UBR1: variants seen among roughly 807,000 people sequenced by gnomAD.
UBR1 encodes the protein ubiquitin protein ligase E3 component n-recognin 1, also known as E3 ubiquitin-protein ligase UBR1.
Under a neutral mutation model 242.1 loss-of-function variants are expected in UBR1, and 102 were observed. The ratio of observed to expected loss-of-function variants is 0.42; its 90% CI spans 0.36 to 0.50. The LOEUF is 0.50. Ranked by LOEUF, UBR1 falls within the 20% of genes least tolerant of loss-of-function variation. The pLI, the probability that UBR1 is intolerant of heterozygous loss-of-function variation, is 0.01. For missense variants in UBR1, 1,772 were observed against 2,101.8 expected, an observed-to-expected ratio of 0.84 and a Z score of 3.07; for synonymous variants, 675 against 684.8, an observed-to-expected ratio of 0.99 and a Z score of 0.22.
chr15:42,952,475 A>G, intron 44 of UBR1, 27 bp from the exon 45 acceptor site: 2 of 1,613,622 alleles, frequency 1.2e-6, no homozygotes, highest in Non-Finnish European at 1.7e-6. Flanking sequence ...ACATTTAGAG[A>G]ATGATGGAAA....
intron 19 of UBR1, among the ~76,000 whole-genome samples, 196 bp from the exon 20 acceptor site, chr15:43,032,827 A>G (rs2033274689): frequency 6.6e-6 from 1 of 152,230 alleles, no homozygotes; most frequent in African/African-American, 2.4e-5. Context: ...TACCTGGCAT[A>G]TAATTGCTAA....
intron 30 of UBR1, among the ~76,000 whole-genome samples, chr15:43,005,896 CG>C (rs1303377505): frequency 4.0e-5 from 6 of 148,974 alleles, no homozygotes; most frequent in South Asian, 2.2e-4. Flanking sequence ...GCAGCATGCT[CG>C]TTAAGAGTCA....
At chr15:43,017,580 C>T (rs2033045284) in intron 27 of UBR1, among the ~76,000 whole-genome samples, 1 of 152,064 alleles carries the variant, frequency 6.6e-6, no homozygotes, top group South Asian at 2.1e-4. Flanking sequence ...GAGGCCAAGG[C>T]AGGTGGATCA....
intron 12 of UBR1, among the ~76,000 whole-genome samples, chr15:43,049,399 TAAAAATAC>T (rs1228458915): frequency 6.6e-6 from 1 of 152,060 alleles, no homozygotes; most frequent in African/African-American, 2.4e-5. Context: ...CCGTCTCTAC[TAAAAATAC>T]AAAAAATTAG....
intron 34 of UBR1, among the ~76,000 whole-genome samples, chr15:42,989,742 G>T (rs1302464181): frequency 6.6e-6 from 1 of 152,038 alleles, no homozygotes; most frequent in Non-Finnish European, 1.5e-5. Context: ...CCTCTTGTAG[G>T]ACCAGACAGA....
intron 29 of UBR1, among the ~76,000 whole-genome samples, chr15:43,011,439 G>A (rs1277758316): frequency 6.6e-6 from 1 of 152,138 alleles, no homozygotes; most frequent in African/African-American, 2.4e-5. Flanking sequence ...AGTAAGACAA[G>A]AGGAAAGCAC....
At chr15:43,002,848 A>C in intron 31 of UBR1, 144 bp from the exon 32 acceptor site, 1 of 984,536 alleles carries the variant, frequency 1.0e-6, no homozygotes, top group Non-Finnish European at 1.5e-6. Flanking sequence ...AAAAACACAC[A>C]AGTTGTAATT....
intron 1 of UBR1, among the ~76,000 whole-genome samples, chr15:43,101,968 C>CAA (rs55875692): frequency 0.03 from 1,796 of 59,334 alleles, 152 homozygotes; most frequent in Admixed American, 0.081. Context: ...CCTTGGCTCA[C>CAA]AAAAAAAAAA....
chr15:43,052,352 A>G (rs2033567235), intron 12 of UBR1, among the ~76,000 whole-genome samples: 1 of 152,226 alleles, frequency 6.6e-6, no homozygotes, highest in Admixed American at 6.5e-5. Context: ...TTCTGAATGG[A>G]CAAAGAGAGA....
chr15:43,040,247 C>T (rs1424596147), intron 15 of UBR1, among the ~76,000 whole-genome samples: 5 of 152,152 alleles, frequency 3.3e-5, no homozygotes, highest in Admixed American at 1.3e-4. Flanking sequence ...GGTACCAAAA[C>T]AGAGATATAG....
intron 35 of UBR1, among the ~76,000 whole-genome samples, chr15:42,987,364 C>T (rs960771216): frequency 7.2e-5 from 11 of 152,310 alleles, no homozygotes; most frequent in Non-Finnish European, 1.3e-4. Flanking sequence ...GCACTGAAAG[C>T]GACTCTTAAA....
intron 43 of UBR1, among the ~76,000 whole-genome samples, chr15:42,958,891 T>C (rs1021681421): frequency 6.6e-6 from 1 of 152,182 alleles, no homozygotes; most frequent in African/African-American, 2.4e-5. Flanking sequence ...AGTGCAATGG[T>C]GCGATCTCGG....
intron 3 of UBR1, among the ~76,000 whole-genome samples, chr15:43,080,254 CA>C (rs1297097768): frequency 6.6e-6 from 1 of 152,124 alleles, no homozygotes; most frequent in Non-Finnish European, 1.5e-5. Context: ...TATCATGAAA[CA>C]TTTTTTTAAA....
chr15:43,038,485 T>C (rs943969672), intron 15 of UBR1, among the ~76,000 whole-genome samples: 2 of 152,070 alleles, frequency 1.3e-5, no homozygotes, highest in South Asian at 4.1e-4. Flanking sequence ...TCCTAGCTAC[T>C]TGGGAGGCTG....
intron 43 of UBR1, among the ~76,000 whole-genome samples, chr15:42,959,301 C>T (rs1255243949): frequency 1.3e-5 from 2 of 152,066 alleles, no homozygotes; most frequent in Admixed American, 1.3e-4. Context: ...AAGCAATACT[C>T]CTGTCTCAGG....
Position 42,976,884 on chromosome 15 carries a change from G to C in UBR1, c.4219-17C>G, listed in dbSNP as rs2141267058. 6.2e-7 allele frequency: 1 copy of C among 1,611,950 alleles called. No homozygotes were observed. Among genetic ancestry groups the C allele is most frequent in the Admixed American group, 1.7e-5 (1 of 59,866 alleles). On this transcript the variant is annotated splice_polypyrimidine_tract_variant and intron_variant, in intron 38 of 46. Transcript: ENST00000290650. ...AGCACCCACCTATGAGAGAAAAATGGACATCAATATGGCTAATGATAAAAG... is the reference window on the plus strand; with the variant it reads ...AGCACCCACCTATGAGAGAAAAATGCACATCAATATGGCTAATGATAAAAG...
intron 3 of UBR1, among the ~76,000 whole-genome samples, chr15:43,079,796 A>G (rs889561008): frequency 1.3e-5 from 2 of 151,978 alleles, no homozygotes; most frequent in Non-Finnish European, 2.9e-5. Flanking sequence ...ATAAATAAAT[A>G]AATAAATAAA....
At chr15:43,062,247 C>T (rs2033697553) in intron 6 of UBR1, among the ~76,000 whole-genome samples, 1 of 152,216 alleles carries the variant, frequency 6.6e-6, no homozygotes, top group South Asian at 2.1e-4. Flanking sequence ...CAAGCGTCCA[C>T]TGACAAGATG....
Position 42,962,861 on chromosome 15 carries a change from T to C in UBR1, c.4700+1074A>G, listed in dbSNP as rs140420000. Among the ~76,000 whole-genome samples the C allele has an allele frequency of 5.3e-3, 803 of 152,140 alleles. 9 individuals are homozygous for C. The highest frequency in any genetic ancestry group is 0.018 in the African/African-American group (766 of 41,508). On this transcript the variant is annotated intron_variant, in intron 42 of 46. Coordinates refer to ENST00000290650, the MANE Select transcript of UBR1 (RefSeq NM_174916.3). ...CTTCCCCTCCCACTGGCTGAACCCA[T>C]GCAGAAGTCAGCTGACAAGGTAGAC...
Sources: allele counts gnomAD v4.1 joint callset (sites outside exome capture counted in the v4.1 genomes callset), GRCh38; gene constraint gnomAD v4.1.1; transcripts MANE v1.5; gene names NCBI Gene and HGNC (gene_info 2026-07-23, HGNC 2026-07-21).